GHR: variants seen among roughly 807,000 people sequenced by gnomAD.
GHR encodes the protein GH receptor.
GHR carries 35 observed loss-of-function variants against 67.1 expected under a neutral mutation model. That is an observed-to-expected ratio of 0.52 (90% CI 0.40 to 0.69). The LOEUF is 0.69. Ranked by LOEUF, GHR falls within the 30% of genes least tolerant of loss-of-function variation. GHR has a pLI of 0.00. For missense variants in GHR, 792 were observed against 764.6 expected (o/e 1.04, Z -0.42); for synonymous variants, 272 against 269.1 (o/e 1.01, Z -0.10).
intron 1 of GHR, among the ~76,000 whole-genome samples, chr5:42,533,082 C>T (rs1232280853): frequency 5.3e-5 from 8 of 152,130 alleles, no homozygotes; most frequent in African/African-American, 1.7e-4. Context: ...TTTCGCAGGT[C>T]ATTGCCAACA....
Position 42,718,662 on chromosome 5 carries a change from A to G in GHR, c.1155A>G (p.Gly385=). 1 of 1,614,196 alleles carries G rather than the reference A, an allele frequency of 6.2e-7. No individual in the cohort carries two copies. The highest frequency in any genetic ancestry group is 8.5e-7 in the Non-Finnish European group (1 of 1,180,020). Residue 385 remains glycine (G), a synonymous_variant, in exon 10 of 10, where the codon GGA becomes GGG. Transcript: ENST00000230882. ...SNLGVKDGDS[G]RTSCCEPDIL... is the part of the protein sequence containing the mutation. ...TAGGGGTGAAGGATGGCGACTCTGG[A>G]CGTACCAGCTGTTGTGAACCTGACA...
chr5:42,514,132 A>T, intron 1 of GHR: 1 of 984,948 alleles, frequency 1.0e-6, no homozygotes, highest in South Asian at 4.7e-5. Context: ...AAATGGCTAA[A>T]ATAAAACATT....
intron 1 of GHR, among the ~76,000 whole-genome samples, chr5:42,428,301 C>A (rs1742941340): frequency 6.6e-6 from 1 of 152,200 alleles, no homozygotes; most frequent in African/African-American, 2.4e-5. Context: ...ACCTTGGCCC[C>A]TTTTAGACAT....
chr5:42,608,362 G>A lies in GHR; in HGVS notation c.71-20676G>A, dbSNP rs1304785042. On this transcript the variant is annotated intron_variant, in intron 2 of 9. Transcript: ENST00000230882. ...GTAGTACAAAGTTAATCGCTCAGCA[G>A]TGTTTGTTACATTTCAAGTAGCAAC... Among the ~76,000 whole-genome samples, 4 of 152,168 alleles carry A rather than the reference G, an allele frequency of 2.6e-5. No individual in the cohort carries two copies. The South Asian group carries it at 8.3e-4, about 32-fold the overall frequency.
intron 1 of GHR, among the ~76,000 whole-genome samples, chr5:42,521,505 A>G (rs1176955946): frequency 6.6e-6 from 1 of 152,156 alleles, no homozygotes; most frequent in East Asian, 1.9e-4. Flanking sequence ...TTTAGAATTT[A>G]GTTTCGGATT....
chr5:42,534,052 G>GTATGTATATATATGTACGTATGTATA (rs1282977573), intron 1 of GHR, among the ~76,000 whole-genome samples: 1 of 146,920 alleles, frequency 6.8e-6, no homozygotes, highest in Non-Finnish European at 1.5e-5. Context: ...TATAGTATAT[G>GTATGTATATATATGTACGTATGTATA]TATGTATATA....
chr5:42,464,879 C>T (rs938456749), intron 1 of GHR, among the ~76,000 whole-genome samples: 1 of 152,126 alleles, frequency 6.6e-6, no homozygotes, highest in African/African-American at 2.4e-5. Context: ...TTAGAAGTAA[C>T]TAGGGCATAG....
intron 6 of GHR, among the ~76,000 whole-genome samples, chr5:42,704,180 T>C (rs1391519631): frequency 2.0e-5 from 3 of 152,022 alleles, no homozygotes; most frequent in African/African-American, 7.2e-5. Context: ...CACTGTTTAT[T>C]ATGATGTGAG....
intron 2 of GHR, among the ~76,000 whole-genome samples, chr5:42,581,214 A>G (rs1207947687): frequency 6.6e-6 from 1 of 152,220 alleles, no homozygotes; most frequent in East Asian, 1.9e-4. Flanking sequence ...ATGGAGAGGA[A>G]TAAACTCCAG....
intron 2 of GHR, among the ~76,000 whole-genome samples, chr5:42,615,222 A>G (rs2112688656): frequency 6.6e-6 from 1 of 152,164 alleles, no homozygotes; most frequent in South Asian, 2.1e-4. Flanking sequence ...GAAAAAAAAA[A>G]CTGCTACAGA....
intron 3 of GHR, among the ~76,000 whole-genome samples, chr5:42,682,991 G>T (rs1275552554): frequency 1.3e-5 from 2 of 151,314 alleles, no homozygotes; most frequent in African/African-American, 4.9e-5. Context: ...GTTCCTCAAA[G>T]GTTTTTTTTA....
intron 1 of GHR, among the ~76,000 whole-genome samples, chr5:42,517,798 G>A (rs74548662): frequency 6.7e-6 from 1 of 149,498 alleles, no homozygotes; most frequent in Non-Finnish European, 1.5e-5. Flanking sequence ...TTTTTTTTTG[G>A]CATTATTAAA....
intron 8 of GHR, 105 bp from the exon 9 acceptor site, chr5:42,717,947 T>C (rs1476685567): frequency 1.4e-6 from 1 of 700,170 alleles, no homozygotes. Context: ...ACCAGAATAT[T>C]TGGAAAAAGT....
chr5:42,663,897 TC>T (rs1356828971), intron 3 of GHR, among the ~76,000 whole-genome samples: 7 of 152,184 alleles, frequency 4.6e-5, no homozygotes, highest in African/African-American at 1.7e-4. Context: ...TTCAGCAAAG[TC>T]TCAGGATACA....
At chr5:42,717,950 G>A (rs1419835392) in intron 8 of GHR, 102 bp from the exon 9 acceptor site, 1 of 702,200 alleles carries the variant, frequency 1.4e-6, no homozygotes, top group East Asian at 2.7e-5. Flanking sequence ...AGAATATTTG[G>A]AAAAAGTAAT....
intron 1 of GHR, among the ~76,000 whole-genome samples, chr5:42,512,273 G>A (rs1561086955): frequency 1.3e-5 from 2 of 152,062 alleles, no homozygotes; most frequent in African/African-American, 4.8e-5. Context: ...AGAATGGTGG[G>A]GGGATCCAGG....
rs11373491 is a variant in GHR, at chr5:42,636,209, CAAAAAA to C, written c.136+7125_136+7130del. Among the ~76,000 whole-genome samples, 77 of 81,932 alleles carry C rather than the reference CAAAAAA, an allele frequency of 9.4e-4. 1 individual carries two copies. Among genetic ancestry groups the C allele is most frequent in the African/African-American group, 3.2e-3 (68 of 21,556 alleles). 53.8% of individuals were successfully genotyped at this position (81,932 alleles called of 152,430 possible). On this transcript the variant is annotated intron_variant, in intron 3 of 9. Transcript: ENST00000230882. ...TGGGCGACAGAGCGAGACCCCGTTT[CAAAAAA>C]AAAAAAAAAAAAAAAAAATTAGAGC...
chr5:42,547,050 A>G (rs1748767363), intron 1 of GHR, among the ~76,000 whole-genome samples: 1 of 152,242 alleles, frequency 6.6e-6, no homozygotes, highest in South Asian at 2.1e-4. Context: ...GTTTCTACAC[A>G]TTCAAAATAA....
intron 1 of GHR, among the ~76,000 whole-genome samples, chr5:42,526,852 C>A (rs958916104): frequency 2.6e-5 from 4 of 152,158 alleles, no homozygotes; most frequent in East Asian, 3.9e-4. Context: ...AGGTCACCTA[C>A]AAAAGGAACC....
Sources: gnomAD v4.1 joint callset for allele counts (sites outside exome capture counted in the v4.1 genomes callset) on GRCh38, gnomAD v4.1.1 for gene constraint, MANE v1.5 for transcripts, NCBI Gene and HGNC (gene_info 2026-07-23, HGNC 2026-07-21) for gene names.